The following CNTN4 variants were observed in gnomAD, a reference collection of about 807,000 sequenced individuals.
The protein encoded by CNTN4 is contactin 4.
A neutral mutation model predicts 122.5 loss-of-function variants in CNTN4; 77 were observed. That is an observed-to-expected ratio of 0.63 (90% CI 0.52 to 0.76). The LOEUF (loss-of-function observed/expected upper bound fraction) is 0.76. CNTN4 is among the 30% of genes least tolerant of loss of function. The probability of loss-of-function intolerance (pLI) is 0.00; values close to 1 mark genes in which losing one functional copy is unlikely to be tolerated. For synonymous variants in CNTN4, 512 were observed against 447.0 expected (o/e 1.15, Z -1.83); for missense variants, 1,256 against 1,259.1 (o/e 1.00, Z 0.04).
At chr3:2,507,861 CT>C (rs1159026482) in intron 3 of CNTN4, among the ~76,000 whole-genome samples, 1 of 150,486 alleles carries the variant, frequency 6.6e-6, no homozygotes, top group African/African-American at 2.4e-5. Context: ...ACAATTTGTT[CT>C]CTCTCTCTTT....
chr3:2,381,496 A>G (rs958916233), intron 3 of CNTN4, among the ~76,000 whole-genome samples: 2 of 151,966 alleles, frequency 1.3e-5, no homozygotes, highest in Non-Finnish European at 1.5e-5. Context: ...CATAACTTAA[A>G]CTCTTTGAAC....
At chr3:2,698,365 G>A (rs1012844272) in intron 4 of CNTN4, among the ~76,000 whole-genome samples, 2 of 152,090 alleles carry the variant, frequency 1.3e-5, no homozygotes, top group East Asian at 1.9e-4. Context: ...TTGTACCTGA[G>A]TCTGGAACTT....
chr3:2,942,862 A>G (rs146078422), intron 13 of CNTN4, among the ~76,000 whole-genome samples: 2 of 152,342 alleles, frequency 1.3e-5, no homozygotes, highest in East Asian at 3.9e-4. Context: ...TTTGCTGCAC[A>G]GAATACATCA....
chr3:2,583,830 T>C (rs1013837577), intron 4 of CNTN4, among the ~76,000 whole-genome samples: 1 of 152,198 alleles, frequency 6.6e-6, no homozygotes, highest in Non-Finnish European at 1.5e-5. Flanking sequence ...TTAAGGAGTT[T>C]ATAATCTTGT....
At chr3:2,666,334 T>C (rs2084162569) in intron 4 of CNTN4, among the ~76,000 whole-genome samples, 1 of 152,206 alleles carries the variant, frequency 6.6e-6, no homozygotes, top group Admixed American at 6.5e-5. Context: ...TTCATAGTCA[T>C]GGTTTATGAT....
In CNTN4 at chr3:2,145,461, G is replaced by A. The variant is rs184564838; in HGVS notation, c.-145+44822G>A. On this transcript the variant is annotated intron_variant, in intron 2 of 24. Coordinates refer to ENST00000418658, the MANE Select transcript of CNTN4 (RefSeq NM_175607.3). ...CAAGGCTTTGCTAGTAAGAGGCTTG[G>A]AAATAATCATATAAAACATAATAGT... Among the ~76,000 whole-genome samples, 313 of 152,246 alleles carry A rather than the reference G, an allele frequency of 2.1e-3. 1 individual carries two copies. Among genetic ancestry groups the A allele is most frequent in the Middle Eastern group, 0.014 (4 of 294 alleles).
chr3:3,026,350 ATT>A, intron 15 of CNTN4, 73 bp downstream of exon 15: 1 of 1,326,186 alleles, frequency 7.5e-7, no homozygotes, highest in Non-Finnish European at 1.1e-6. Flanking sequence ...TAAAGTTACT[ATT>A]TTAGAATTTT....
At chr3:2,917,461 T>C (rs1670549230) in intron 12 of CNTN4, among the ~76,000 whole-genome samples, 1 of 151,592 alleles carries the variant, frequency 6.6e-6, no homozygotes, top group Non-Finnish European at 1.5e-5. Flanking sequence ...TTTTGTTAAG[T>C]TTAGATTCCA....
At chr3:2,250,440 T>G (rs1047549815) in intron 2 of CNTN4, among the ~76,000 whole-genome samples, 1 of 151,910 alleles carries the variant, frequency 6.6e-6, no homozygotes, top group Admixed American at 6.6e-5. Flanking sequence ...AAGCCTCTTA[T>G]TTTTTAATCT....
chr3:2,797,925 T>TTA (rs2092239936), intron 6 of CNTN4, among the ~76,000 whole-genome samples: 3 of 151,652 alleles, frequency 2.0e-5, no homozygotes, highest in African/African-American at 7.3e-5. Context: ...TGAGTATTTT[T>TTA]TTTTTTTTTT....
At chr3:2,438,941 G>A (rs1426297169) in intron 3 of CNTN4, among the ~76,000 whole-genome samples, 1 of 152,204 alleles carries the variant, frequency 6.6e-6, no homozygotes, top group Non-Finnish European at 1.5e-5. Flanking sequence ...TAGAGAGAAA[G>A]GGGCCACTAG....
At chr3:2,252,498 C>T (rs568414893) in intron 2 of CNTN4, among the ~76,000 whole-genome samples, 2 of 151,958 alleles carry the variant, frequency 1.3e-5, no homozygotes, top group South Asian at 4.1e-4. Context: ...TGACTATGTT[C>T]CATTCATGAA....
intron 2 of CNTN4, among the ~76,000 whole-genome samples, chr3:2,269,914 G>GTTTA (rs777408553): frequency 0.011 from 622 of 54,782 alleles, 105 homozygotes; most frequent in East Asian, 0.032. Context: ...TTGTTTGTTT[G>GTTTA]TTTATTTATT....
At chr3:2,791,904 T>C (rs1456267896) in intron 6 of CNTN4, among the ~76,000 whole-genome samples, 1 of 152,100 alleles carries the variant, frequency 6.6e-6, no homozygotes, top group East Asian at 1.9e-4. Context: ...TCCCTCTGCC[T>C]CACTCTTAGA....
intron 3 of CNTN4, among the ~76,000 whole-genome samples, chr3:2,383,950 A>T (rs2046133974): frequency 6.6e-6 from 1 of 152,194 alleles, no homozygotes; most frequent in African/African-American, 2.4e-5. Context: ...CCTTCTGTGT[A>T]TGTATATATC....
chr3:2,839,216 T>TAATA, intron 7 of CNTN4, among the ~76,000 whole-genome samples: 1 of 152,322 alleles, frequency 6.6e-6, no homozygotes, highest in South Asian at 2.1e-4. Flanking sequence ...CCATATGATA[T>TAATA]AATAGCTAAA....
chr3:2,786,699 A>T (rs1222574582), intron 6 of CNTN4, among the ~76,000 whole-genome samples: 1 of 152,198 alleles, frequency 6.6e-6, no homozygotes, highest in Non-Finnish European at 1.5e-5. Context: ...AATTTTTTTA[A>T]AAAGCTTCTA....
intron 3 of CNTN4, among the ~76,000 whole-genome samples, chr3:2,368,609 A>C (rs2045507295): frequency 6.6e-6 from 1 of 152,120 alleles, no homozygotes; most frequent in Non-Finnish European, 1.5e-5. Context: ...AATACCTATT[A>C]GGGATGGTAT....
At chr3:2,768,936 G>A (rs1028348570) in intron 6 of CNTN4, among the ~76,000 whole-genome samples, 3 of 152,110 alleles carry the variant, frequency 2.0e-5, no homozygotes, top group Non-Finnish European at 2.9e-5. Flanking sequence ...GGACAGATCC[G>A]AGGATCAAAA....
Sources: gnomAD v4.1 joint callset for allele counts (sites outside exome capture counted in the v4.1 genomes callset) on GRCh38, gnomAD v4.1.1 for gene constraint, MANE v1.5 for transcripts, NCBI Gene and HGNC (gene_info 2026-07-23, HGNC 2026-07-21) for gene names.